DENND1A: variants seen among roughly 807,000 people sequenced by gnomAD.
DENND1A encodes DENN domain containing 1A.
In DENND1A, 51 loss-of-function variants were observed where a neutral mutation model predicts 113.7. That is an observed-to-expected ratio of 0.45 (90% confidence interval 0.36 to 0.57). The LOEUF (loss-of-function observed/expected upper bound fraction) is 0.57. Ranked by LOEUF, DENND1A falls within the 20% of genes least tolerant of loss-of-function variation. The probability of loss-of-function intolerance (pLI) is 0.00; values close to 1 mark genes in which losing one functional copy is unlikely to be tolerated. For synonymous variants in DENND1A, 565 were observed against 570.8 expected, an observed-to-expected ratio of 0.99 and a Z score of 0.14; for missense variants, 1,258 against 1,395.9, an observed-to-expected ratio of 0.90 and a Z score of 1.57.
intron 20 of DENND1A, among the ~76,000 whole-genome samples, chr9:123,408,789 C>T (rs1213033518): frequency 2.0e-5 from 3 of 152,120 alleles, no homozygotes; most frequent in African/African-American, 4.8e-5. Context: ...GGCAGCCCAC[C>T]CCGCAATCTG....
At chr9:123,795,200 C>T (rs1198815084) in intron 2 of DENND1A, among the ~76,000 whole-genome samples, 4 of 152,148 alleles carry the variant, frequency 2.6e-5, no homozygotes, top group Admixed American at 6.5e-5. Flanking sequence ...ACCAAGTCAA[C>T]CTATCAAGTT....
At chr9:123,651,943 T>C in intron 9 of DENND1A, 70 bp downstream of exon 9, 1 of 1,406,508 alleles carries the variant, frequency 7.1e-7, no homozygotes, top group South Asian at 1.3e-5. Context: ...AAATTTTCTT[T>C]CATCTTGCTG....
chr9:123,674,920 T>G (rs1438887924), intron 6 of DENND1A, among the ~76,000 whole-genome samples: 1 of 151,626 alleles, frequency 6.6e-6, no homozygotes, highest in Non-Finnish European at 1.5e-5. Flanking sequence ...GTTAAGAGCC[T>G]ACATATTATA....
In DENND1A at chr9:123,609,571, G is replaced by A. The variant is rs960443629; in HGVS notation, c.720-90C>T. The A allele has an allele frequency of 1.2e-5, 18 of 1,454,024 alleles. No individual in the cohort carries two copies. In the East Asian group the frequency reaches 2.1e-4, roughly 17 times the overall value. 90.1% of individuals were successfully genotyped at this position (1,454,024 alleles called of 1,614,324 possible). A position where few individuals can be genotyped will look rare whatever the true frequency, so the allele number is the denominator to read the frequency against. On this transcript the variant is annotated intron_variant, in intron 10 of 23. Transcript: ENST00000394215. ...ATGGTTCACTATTTGGAGAAAAACTGTTTTAATAAACGTATGCATAGTTAC... is the reference window on the plus strand; with the variant it reads ...ATGGTTCACTATTTGGAGAAAAACTATTTTAATAAACGTATGCATAGTTAC...
chr9:123,882,448 T>C (rs569409072), intron 1 of DENND1A, among the ~76,000 whole-genome samples: 122 of 138,566 alleles, frequency 8.8e-4, no homozygotes, highest in African/African-American at 3.9e-3. Flanking sequence ...CAAAACTTAA[T>C]GTCATCCTCG....
chr9:123,411,697 ACTCT>A, intron 20 of DENND1A, 75 bp downstream of exon 20: 1 of 958,552 alleles, frequency 1.0e-6, no homozygotes, highest in South Asian at 4.8e-5. Flanking sequence ...GAGGGTCCAA[ACTCT>A]GGAGGTTTAG....
intron 13 of DENND1A, among the ~76,000 whole-genome samples, chr9:123,519,193 C>T (rs982263387): frequency 1.8e-4 from 28 of 152,222 alleles, no homozygotes; most frequent in Admixed American, 1.6e-3. Flanking sequence ...CTGTACAGCG[C>T]GGATGGAACT....
At chr9:123,760,407 T>A (rs755887773) in intron 4 of DENND1A, among the ~76,000 whole-genome samples, 3 of 152,226 alleles carry the variant, frequency 2.0e-5, no homozygotes, top group Admixed American at 2.0e-4. Flanking sequence ...GACAACTCCA[T>A]CTCTTAGAGA....
intron 2 of DENND1A, among the ~76,000 whole-genome samples, chr9:123,842,480 G>C (rs996628296): frequency 6.6e-6 from 1 of 151,626 alleles, no homozygotes; most frequent in Non-Finnish European, 1.5e-5. Context: ...AAAAAAAAAA[G>C]AGAGAGAGAG....
rs567177780 is a variant in DENND1A at position 123,807,884 on chromosome 9, C to T, written c.89-15254G>A. ...TGAAATTCCTGGCTCATAATCACAC[C>T]AATGGTAAATGCAAAAGCTAAGATT... On this transcript the variant is annotated intron_variant, in intron 2 of 23. Transcript: ENST00000394215. Among the ~76,000 whole-genome samples, 28 of 152,286 alleles carry T rather than the reference C, an allele frequency of 1.8e-4. No individual in the cohort carries two copies. In the South Asian group the frequency reaches 5.8e-3, roughly 32 times the overall value.
intron 3 of DENND1A, among the ~76,000 whole-genome samples, chr9:123,771,416 A>G (rs1730998994): frequency 6.6e-6 from 1 of 152,214 alleles, no homozygotes; most frequent in South Asian, 2.1e-4. Context: ...TTTGAATAGT[A>G]ACAGAAAGCA....
chr9:123,631,328 T>A (rs971658706), intron 9 of DENND1A, among the ~76,000 whole-genome samples: 1 of 152,222 alleles, frequency 6.6e-6, no homozygotes, highest in Non-Finnish European at 1.5e-5. Context: ...TTTTGTCATA[T>A]GTTTCTTCAC....
At chr9:123,874,896 T>C (rs1419859466) in intron 2 of DENND1A, among the ~76,000 whole-genome samples, 1 of 152,210 alleles carries the variant, frequency 6.6e-6, no homozygotes, top group East Asian at 1.9e-4. Context: ...GTATGTTCTA[T>C]ATGGAAATGT....
At chr9:123,486,928 G>C (rs762689261) in intron 13 of DENND1A, among the ~76,000 whole-genome samples, 4 of 152,150 alleles carry the variant, frequency 2.6e-5, no homozygotes, top group Non-Finnish European at 4.4e-5. Context: ...GAGCCGACTG[G>C]AGGACTCCAT....
At position 123,598,706 on chromosome 9, in the gene DENND1A, C is replaced by T. The variant is rs539204704; in HGVS notation, c.765+10730G>A. On this transcript the variant is annotated intron_variant, in intron 11 of 23. Coordinates refer to ENST00000394215, the MANE Select transcript of DENND1A (RefSeq NM_001352964.2). ...GCTATCTTTTTCTTTCTTTTTTTTC[C>T]CCCTTCTTCTAAAGCTAGGGATGGG... is the stretch of plus-strand genomic sequence containing the variant. Among the ~76,000 whole-genome samples, 24 of 151,528 alleles carry T rather than the reference C, an allele frequency of 1.6e-4. No homozygotes were observed. In the East Asian group the frequency reaches 4.3e-3, roughly 27 times the overall value.
At chr9:123,406,573 G>A (rs932416761) in intron 20 of DENND1A, among the ~76,000 whole-genome samples, 1 of 152,236 alleles carries the variant, frequency 6.6e-6, no homozygotes, top group Non-Finnish European at 1.5e-5. Flanking sequence ...GTTGCTGCTC[G>A]GAATCTGAGA....
chr9:123,477,791 C>T (rs183341306), intron 13 of DENND1A, among the ~76,000 whole-genome samples: 3 of 152,094 alleles, frequency 2.0e-5, no homozygotes, highest in Non-Finnish European at 4.4e-5. Flanking sequence ...GTGCCTCCCC[C>T]CTCCCTCCAG....
At chr9:123,810,313 T>C (rs1466378223) in intron 2 of DENND1A, among the ~76,000 whole-genome samples, 1 of 152,188 alleles carries the variant, frequency 6.6e-6, no homozygotes, top group Non-Finnish European at 1.5e-5. Context: ...GCCTGAACTC[T>C]GCATCCATGC....
intron 5 of DENND1A, among the ~76,000 whole-genome samples, chr9:123,742,713 G>A (rs554247343): frequency 2.0e-5 from 3 of 152,266 alleles, no homozygotes; most frequent in African/African-American, 7.2e-5. Flanking sequence ...GAGATCCTGA[G>A]GCCATAAAAA....
Sources: allele counts gnomAD v4.1 joint callset (sites outside exome capture counted in the v4.1 genomes callset), GRCh38; gene constraint gnomAD v4.1.1; transcripts MANE v1.5; gene names NCBI Gene and HGNC (gene_info 2026-07-23, HGNC 2026-07-21).